The following ZDHHC11B variants were observed in gnomAD, a reference collection of about 807,000 sequenced individuals.
ZDHHC11B encodes the protein zDHHC palmitoyltransferase 11B (putative).
ZDHHC11B carries 17 observed loss-of-function variants against 42.3 expected under a neutral mutation model. The observed-to-expected ratio is 0.40, with a 90% CI of 0.27 to 0.60. The LOEUF is 0.60. ZDHHC11B is among the 20% of genes least tolerant of loss of function. The probability of loss-of-function intolerance (pLI) is 0.41; values close to 1 mark genes in which losing one functional copy is unlikely to be tolerated. For synonymous variants in ZDHHC11B, 123 were observed against 193.5 expected (o/e 0.64, Z 3.02); for missense variants, 262 against 463.2 (o/e 0.57, Z 3.99).
chr5:745,810 G>T (rs562838573), intron 8 of ZDHHC11B, among the ~76,000 whole-genome samples: 1 of 149,832 alleles, frequency 6.7e-6, no homozygotes, highest in Non-Finnish European at 1.5e-5. Context: ...GGAGGACCAC[G>T]CAGTGGGGCG....
intron 1 of ZDHHC11B, among the ~76,000 whole-genome samples, chr5:774,992 T>C (rs910731798): frequency 4.6e-5 from 7 of 151,996 alleles, no homozygotes; most frequent in African/African-American, 1.7e-4. Flanking sequence ...GGACAGGCCA[T>C]GCTCACATCA....
chr5:758,426 C>T (rs1459307246), intron 4 of ZDHHC11B, among the ~76,000 whole-genome samples: 17 of 151,864 alleles, frequency 1.1e-4, no homozygotes, highest in Non-Finnish European at 2.9e-5. Flanking sequence ...CAAAGAAGCC[C>T]GCTGCCAGGG....
At chr5:720,719 G>T (rs1238210394) in intron 12 of ZDHHC11B, among the ~76,000 whole-genome samples, 3 of 151,644 alleles carry the variant, frequency 2.0e-5, no homozygotes, top group African/African-American at 4.9e-5. Flanking sequence ...TATAAATATT[G>T]TTAATGGGTG....
chr5:722,495 C>G (rs140609325), intron 12 of ZDHHC11B, among the ~76,000 whole-genome samples: 2 of 151,500 alleles, frequency 1.3e-5, no homozygotes, highest in African/African-American at 4.9e-5. Context: ...CAATAAGCCA[C>G]CAGTTCACAC....
chr5:710,452 G>A lies in ZDHHC11B; in HGVS notation c.*1838C>T, dbSNP rs1312314325. Reference sequence around the variant, plus strand: ...ACGCAGAGTTCATTAAAATACAGAGGATGCCTCTGGTTCTCTGGTATTGAC... The same window carrying A: ...ACGCAGAGTTCATTAAAATACAGAGAATGCCTCTGGTTCTCTGGTATTGAC... On this transcript the variant is annotated 3_prime_UTR_variant, in exon 14 of 14. Coordinates refer to ENST00000508859, the MANE Select transcript of ZDHHC11B (RefSeq NM_001351303.2). The A allele has an allele frequency of 6.5e-6, 1 of 154,682 alleles. No homozygotes were observed. Among genetic ancestry groups the A allele is most frequent in the East Asian group, 1.9e-4 (1 of 5,324 alleles). 9.6% of individuals were successfully genotyped at this position (154,682 alleles called of 1,614,324 possible).
chr5:739,258 C>T lies in ZDHHC11B; in HGVS notation c.935+2336G>A, dbSNP rs144301705. ...GCTAACGACACAAAAATTAGCTGGG[C>T]GTGCTGGTGGGTGACTGTAATCCCA... On this transcript the variant is annotated intron_variant, in intron 10 of 13. Transcript: ENST00000508859. Among the ~76,000 whole-genome samples the T allele has an allele frequency of 8.7e-3, 1,316 of 150,820 alleles. 53 individuals are homozygous for T. Among genetic ancestry groups the T allele is most frequent in the South Asian group, 0.034 (157 of 4,674 alleles).
intron 7 of ZDHHC11B, among the ~76,000 whole-genome samples, chr5:750,290 C>T (rs1234575805): frequency 2.3e-5 from 3 of 130,490 alleles, no homozygotes; most frequent in Non-Finnish European, 3.3e-5. Context: ...AGGGCTCTGA[C>T]GTCCAGCTGC....
At chr5:775,603 C>T (rs1199912697) in intron 1 of ZDHHC11B, among the ~76,000 whole-genome samples, 15 of 151,874 alleles carry the variant, frequency 9.9e-5, no homozygotes, top group Non-Finnish European at 2.1e-4. Context: ...AGCCGATGCT[C>T]GTGCCCTGGA....
At chr5:756,965 T>C (rs1420122931) in intron 4 of ZDHHC11B, among the ~76,000 whole-genome samples, 4 of 151,694 alleles carry the variant, frequency 2.6e-5, no homozygotes, top group Non-Finnish European at 4.4e-5. Flanking sequence ...CCCTCTGGGC[T>C]CGGAGCCTGG....
chr5:733,501 G>C (rs1333706507), intron 11 of ZDHHC11B, among the ~76,000 whole-genome samples: 1 of 151,674 alleles, frequency 6.6e-6, no homozygotes, highest in African/African-American at 2.4e-5. Flanking sequence ...GCTTCTTGGT[G>C]GTGCTCCAGT....
At chr5:728,719 C>G (rs1445416062) in intron 12 of ZDHHC11B, among the ~76,000 whole-genome samples, 111 of 151,060 alleles carry the variant, frequency 7.3e-4, no homozygotes, top group Middle Eastern at 3.4e-3. Flanking sequence ...TAAATTCTCC[C>G]CCATCTAAAT....
chr5:712,721 A>C (rs1344471653), intron 13 of ZDHHC11B, among the ~76,000 whole-genome samples: 1 of 151,358 alleles, frequency 6.6e-6, no homozygotes, highest in African/African-American at 2.4e-5. Context: ...CTTCCTGGCT[A>C]ATACGGTGAA....
chr5:783,982 AG>A (rs1443582567), intron 1 of ZDHHC11B, among the ~76,000 whole-genome samples: 4 of 150,846 alleles, frequency 2.7e-5, no homozygotes, highest in Non-Finnish European at 5.9e-5. Context: ...CGCAGAATAA[AG>A]GGCTCCTCAG....
At chr5:730,156 A>G (rs436354) in intron 12 of ZDHHC11B, among the ~76,000 whole-genome samples, 31,843 of 148,718 alleles carry the variant, frequency 0.21, 3,089 homozygotes, top group South Asian at 0.34. Context: ...TCAGGCTCAC[A>G]ACATTACATG....
intron 4 of ZDHHC11B, among the ~76,000 whole-genome samples, chr5:760,246 C>T (rs1388897640): frequency 1.3e-5 from 2 of 151,880 alleles, no homozygotes; most frequent in African/African-American, 4.8e-5. Context: ...AGCCCTAACC[C>T]GCAGCACCCG....
At position 748,495 on chromosome 5, in the gene ZDHHC11B, C is replaced by T. The variant is rs1278749444; in HGVS notation, c.693G>A (p.Leu231=). The T allele has an allele frequency of 7.3e-7, 1 of 1,364,702 alleles. No individual in the cohort carries two copies. Among genetic ancestry groups the T allele is most frequent in the Middle Eastern group, 1.9e-4 (1 of 5,240 alleles). 84.5% of individuals were successfully genotyped at this position (1,364,702 alleles called of 1,614,324 possible). A position where few individuals can be genotyped will look rare whatever the true frequency, so the allele number is the denominator to read the frequency against. The part of the protein sequence containing the change: ...LPLFPVQVQT[L]IVVIIRMLVL... ...CGAGCATCCTGATGATCACGACTAT[C>T]AGAGTCTGCACCTGCACCGGGAACA... The change falls in exon 8 of 14, where the codon CTG becomes CTA. Residue 231 remains leucine, a synonymous_variant. Transcript: ENST00000508859.
At position 749,769 on chromosome 5, in the gene ZDHHC11B, T is replaced by C. The variant is rs1745360934; in HGVS notation, c.629-1210A>G. ...CCACCTCTGCTCTCTCACTCTCCCC[T>C]GGCATCCCCCACAGGGAGAGCCCAG... is the stretch of plus-strand genomic sequence containing the variant. On this transcript the variant is annotated intron_variant, in intron 7 of 13. Coordinates refer to ENST00000508859, the MANE Select transcript of ZDHHC11B (RefSeq NM_001351303.2). 1.5e-5 allele frequency among the ~76,000 whole-genome samples: 2 copies of C among 130,502 alleles called. 1 individual carries two copies. Among genetic ancestry groups the C allele is most frequent in the South Asian group, 6.6e-4 (2 of 3,042 alleles). 85.6% of individuals were successfully genotyped at this position (130,502 alleles called of 152,430 possible).
In ZDHHC11B at chr5:745,571, T is replaced by C. The variant is rs1305872653; in HGVS notation, c.785-273A>G. 1.3e-5 allele frequency among the ~76,000 whole-genome samples: 2 copies of C among 149,920 alleles called. 1 individual carries two copies. The highest frequency in any genetic ancestry group is 3.0e-5 in the Non-Finnish European group (2 of 67,628). On this transcript the variant is annotated intron_variant, in intron 8 of 13. Transcript: ENST00000508859. The stretch of plus-strand genomic sequence containing the variant: ...GGCCCCCCCGCCTGCCAAGGCCTCA[T>C]TGAGCTGCATTGTTAGTGGTGTCAG...
chr5:754,596 C>T (rs1313534256), intron 6 of ZDHHC11B, among the ~76,000 whole-genome samples: 6 of 131,084 alleles, frequency 4.6e-5, no homozygotes, highest in African/African-American at 1.5e-4. Context: ...CTCCACCATG[C>T]TCAGGGGAAA....
Sources: allele counts gnomAD v4.1 joint callset (sites outside exome capture counted in the v4.1 genomes callset), GRCh38; gene constraint gnomAD v4.1.1; transcripts MANE v1.5; gene names NCBI Gene and HGNC (gene_info 2026-07-23, HGNC 2026-07-21).